Variants in CARD14 observed in about 807,000 individuals in gnomAD.
CARD14 encodes caspase recruitment domain family member 14, also known as caspase recruitment domain-containing protein 14.
CARD14 carries 107 observed loss-of-function variants against 111.5 expected under a neutral mutation model. The observed-to-expected ratio is 0.96, with a 90% CI of 0.82 to 1.13. The LOEUF (loss-of-function observed/expected upper bound fraction) is 1.13. Among genes scored for constraint, CARD14 ranks in the 50% most tolerant of loss-of-function variants. The pLI is 0.00. For missense variants in CARD14, 1,322 were observed against 1,362.3 expected (o/e 0.97, Z 0.47); for synonymous variants, 617 against 579.6 (o/e 1.06, Z -0.93).
At chr17:80,207,228 A>C in intron 23 of CARD14, 143 bp downstream of exon 23, 1 of 600,440 alleles carries the variant, frequency 1.7e-6, no homozygotes, top group Non-Finnish European at 2.9e-6. Flanking sequence ...CAACTTTGGG[A>C]CAAGGGCCCC....
Position 80,195,648 on chromosome 17 carries a change from G to T in CARD14, c.1590G>T (p.Thr530=), listed in dbSNP as rs138100360. 2 of 1,612,028 alleles carry T rather than the reference G, an allele frequency of 1.2e-6. No homozygotes were observed. The highest frequency in any genetic ancestry group is 1.3e-5 in the African/African-American group (1 of 75,020). Residue 530 remains threonine, a synonymous_variant, in exon 14 of 24, where the codon ACG becomes ACT. Transcript: ENST00000648509. The surrounding 1 kb of genome is among the most constrained non-coding windows in gnomAD (Gnocchi z 4.7). ...ACCTGGATTATGAGCTCCTAGACAC[G>T]GCAGGTGAGCACGCCCAACCCTGAA... is the stretch of plus-strand genomic sequence containing the variant. ...DPHLDYELLD[T]ADLPQLESSL...
At position 80,198,608 on chromosome 17, in the gene CARD14, C is replaced by T. The variant is rs763550069; in HGVS notation, c.1851+17C>T. The T allele has an allele frequency of 3.1e-6, 5 of 1,610,772 alleles. No individual in the cohort carries two copies. The highest frequency in any genetic ancestry group is 1.1e-5 in the South Asian group (1 of 90,948). On this transcript the variant is annotated intron_variant, in intron 16 of 23. Coordinates refer to ENST00000648509, the MANE Select transcript of CARD14 (RefSeq NM_001366385.1). This position sits in a 1 kb window ranked among gnomAD's most constrained non-coding sequence, Gnocchi z 7.5. Reference sequence around the variant, plus strand: ...ATTGTGATGGTGAGCCGTGCGAGGCCCCTCCTGTCCCCCGGGCTCCTCATG... The same window carrying T: ...ATTGTGATGGTGAGCCGTGCGAGGCTCCTCCTGTCCCCCGGGCTCCTCATG...
rs1045819106 is a variant in CARD14, at chr17:80,188,176, A to G, written c.676-201A>G. ...TGCCTCATCTATAAGACAGAGCTGA[A>G]AGGCCTCTGTCCTCCCAGCCCCAGT... On this transcript the variant is annotated intron_variant, in intron 7 of 23. Coordinates refer to ENST00000648509, the MANE Select transcript of CARD14 (RefSeq NM_001366385.1). This position sits in a 1 kb window ranked among gnomAD's most constrained non-coding sequence, Gnocchi z 4.5. 31 of 544,150 alleles carry G rather than the reference A, an allele frequency of 5.7e-5. No individual in the cohort carries two copies. The African/African-American group carries it at 5.9e-4, about 10-fold the overall frequency. 33.7% of individuals were successfully genotyped at this position (544,150 alleles called of 1,614,324 possible). A position where few individuals can be genotyped will look rare whatever the true frequency, so the allele number is the denominator to read the frequency against.
In CARD14 at chr17:80,195,266, C is replaced by A. The variant is rs1268954267; in HGVS notation, c.1432C>A (p.Pro478Thr). Residue 478 changes from proline to threonine, a missense_variant, in exon 13 of 24, where the codon CCC becomes ACC. Physicochemically the swap from Pro to Thr is conservative, Grantham distance 38 (BLOSUM62 -1). Transcript: ENST00000648509. This position sits in a 1 kb window ranked among gnomAD's most constrained non-coding sequence, Gnocchi z 4.7. ...CAGCTTCCGCTCCAGCAGCCCCGCG[C>A]CCCCCAGCCAGCAGTCCCTGTACAA... ...VDSFRSSSPAPPSQQSLYKRV... is the reference protein window; with the variant it reads ...VDSFRSSSPATPSQQSLYKRV... 6.2e-7 allele frequency: 1 copy of A among 1,612,560 alleles called. No individual in the cohort carries two copies. The highest frequency in any genetic ancestry group is 1.7e-5 in the Admixed American group (1 of 59,996).
At chr17:80,207,448 G>A (rs2041392526) in intron 23 of CARD14, 1 of 177,126 alleles carries the variant, frequency 5.6e-6, no homozygotes, top group Non-Finnish European at 1.2e-5. Flanking sequence ...CTACTCGGGA[G>A]GCTGAGACAT....
At chr17:80,197,089 C>T (rs917524092) in intron 14 of CARD14, 1 of 152,404 alleles carries the variant, frequency 6.6e-6, no homozygotes, top group Non-Finnish European at 1.5e-5. Flanking sequence ...CCCAGTTAGT[C>T]AGGAGGCTGA....
rs62074378 is a variant in CARD14, at chr17:80,195,205, G to C, written c.1371G>C (p.Ser457=). 6.4e-5 allele frequency: 103 copies of C among 1,607,946 alleles called. No individual in the cohort carries two copies. Among genetic ancestry groups the C allele is most frequent in the Admixed American group, 3.2e-4 (19 of 59,822 alleles). The change falls in exon 13 of 24, where the codon TCG becomes TCC. Residue 457 remains serine, a synonymous_variant. Coordinates refer to ENST00000648509, the MANE Select transcript of CARD14 (RefSeq NM_001366385.1). The surrounding 1 kb of genome is among the most constrained non-coding windows in gnomAD (Gnocchi z 4.7). ...LVSSTESQLL[S]DLSATSSREL... Reference sequence around the variant, plus strand: ...CCCTCCTCCAGTCTCAGCTCTTGTCGGACCTGAGTGCCACGTCCAGCCGCG... The same window carrying C: ...CCCTCCTCCAGTCTCAGCTCTTGTCCGACCTGAGTGCCACGTCCAGCCGCG...
intron 22 of CARD14, among the ~76,000 whole-genome samples, chr17:80,206,271 C>G (rs2041297901): frequency 8.2e-6 from 1 of 121,700 alleles, no homozygotes; most frequent in African/African-American, 2.8e-5. Flanking sequence ...TCAAGACCAG[C>G]CTGAGCAACA....
At chr17:80,180,993 G>A (rs1198307431) in intron 4 of CARD14, among the ~76,000 whole-genome samples, 5 of 151,984 alleles carry the variant, frequency 3.3e-5, no homozygotes, top group Non-Finnish European at 5.9e-5. Flanking sequence ...GAACTCTTAG[G>A]CTTGAGCAAT....
chr17:80,191,932 C>T (rs1181419304), intron 11 of CARD14, among the ~76,000 whole-genome samples: 2 of 152,222 alleles, frequency 1.3e-5, no homozygotes, highest in African/African-American at 2.4e-5. Flanking sequence ...CTTAGAAAGC[C>T]TCTCATTCTG....
chr17:80,187,277 CG>C (rs1480564700), intron 7 of CARD14, among the ~76,000 whole-genome samples: 2 of 152,200 alleles, frequency 1.3e-5, no homozygotes, highest in African/African-American at 4.8e-5. Context: ...CCCGCTAAGA[CG>C]GGTGCCGGAC....
At position 80,189,975 on chromosome 17, in the gene CARD14, A is replaced by C; in HGVS notation, c.963+103A>C. 2 of 1,462,404 alleles carry C rather than the reference A, an allele frequency of 1.4e-6. No individual in the cohort carries two copies. Among genetic ancestry groups the C allele is most frequent in the Non-Finnish European group, 1.8e-6 (2 of 1,111,180 alleles). 90.6% of individuals were successfully genotyped at this position (1,462,404 alleles called of 1,614,324 possible). A position where few individuals can be genotyped will look rare whatever the true frequency, so the allele number is the denominator to read the frequency against. On this transcript the variant is annotated intron_variant, in intron 9 of 23. Coordinates refer to ENST00000648509, the MANE Select transcript of CARD14 (RefSeq NM_001366385.1). This position sits in a 1 kb window ranked among gnomAD's most constrained non-coding sequence, Gnocchi z 4.7. ...AGATTCCTTCATCCACGCCGAGCTCACATAATTTTGCTGAACGAATCTGTC... is the reference window on the plus strand; with the variant it reads ...AGATTCCTTCATCCACGCCGAGCTCCCATAATTTTGCTGAACGAATCTGTC...
rs910818679 is a variant in CARD14 at position 80,198,945 on chromosome 17, CT to C, written c.1851+363del. On this transcript the variant is annotated intron_variant, in intron 16 of 23. Transcript: ENST00000648509. This position sits in a 1 kb window ranked among gnomAD's most constrained non-coding sequence, Gnocchi z 7.5. ...AACCACTGGGGCATTTCTTTTCTTT[CT>C]TTTTTTTTGTTTGTTGTTTTGAAAC... 467 of 1,120,294 alleles carry C rather than the reference CT, an allele frequency of 4.2e-4. No individual in the cohort carries two copies. The highest frequency in any genetic ancestry group is 1.4e-3 in the East Asian group (26 of 18,966). 69.4% of individuals were successfully genotyped at this position (1,120,294 alleles called of 1,614,324 possible). A position where few individuals can be genotyped will look rare whatever the true frequency, so the allele number is the denominator to read the frequency against.
rs2040260802 is a variant in CARD14, at chr17:80,184,094, C to T, written c.531C>T (p.His177=). Residue 177 remains histidine (H), a synonymous_variant, in exon 7 of 24, where the codon CAC becomes CAT. Coordinates refer to ENST00000648509, the MANE Select transcript of CARD14 (RefSeq NM_001366385.1). The part of the protein sequence containing the change: ...AEGLHQLEAD[H]SRMKREVSAH... ...GCCTGCACCAGCTGGAGGCTGACCA[C>T]AGCCGCATGAAGCGTGAGGTTAGCG... is the stretch of plus-strand genomic sequence containing the variant. 2 of 1,582,826 alleles carry T rather than the reference C, an allele frequency of 1.3e-6. No individual in the cohort carries two copies. Among genetic ancestry groups the T allele is most frequent in the South Asian group, 1.2e-5 (1 of 86,676 alleles).
intron 7 of CARD14, among the ~76,000 whole-genome samples, chr17:80,186,954 A>G (rs1281053094): frequency 6.6e-6 from 1 of 152,248 alleles, no homozygotes; most frequent in Non-Finnish European, 1.5e-5. Context: ...GGAAACACAC[A>G]CACATGTATG....
rs1194406958 is a variant in CARD14 at position 80,170,047 on chromosome 17, G to A, written c.-699G>A. 1.3e-5 allele frequency: 2 copies of A among 152,322 alleles called. No individual in the cohort carries two copies. Among genetic ancestry groups the A allele is most frequent in the Non-Finnish European group, 2.9e-5 (2 of 68,128 alleles). 9.4% of individuals were successfully genotyped at this position (152,322 alleles called of 1,614,324 possible). ...CCACATTCAGTCCTCGCTTCCCTGG[G>A]AGGGGGAAGGTAAGTGCGCGCAGTC... On this transcript the variant is annotated 5_prime_UTR_variant, in exon 1 of 24. Transcript: ENST00000648509.
intron 4 of CARD14, among the ~76,000 whole-genome samples, chr17:80,180,962 C>A (rs1331731470): frequency 6.6e-6 from 1 of 152,090 alleles, no homozygotes; most frequent in African/African-American, 2.4e-5. Context: ...AGGGTTTCAC[C>A]ATATTTGCCA....
Position 80,198,502 on chromosome 17 carries a change from G to A in CARD14, c.1762G>A (p.Gly588Arg), listed in dbSNP as rs372197132. The change falls in exon 16 of 24, where the codon GGG becomes AGG. Residue 588 changes from glycine (G) to arginine (R), a missense_variant. By Grantham distance (125) the Gly-to-Arg change is moderately radical (BLOSUM62 -2). Transcript: ENST00000648509. The surrounding 1 kb of genome is among the most constrained non-coding windows in gnomAD (Gnocchi z 7.5). ...ALLEQISVIG[G>R]NLTGIFIHRV... ...GCTGGAGCAGATCAGCGTCATCGGC[G>A]GGAACCTCACGGGCATCTTCATCCA... 26 of 1,613,212 alleles carry A rather than the reference G, an allele frequency of 1.6e-5. No individual in the cohort carries two copies. The East Asian group carries it at 3.1e-4, about 19-fold the overall frequency.
chr17:80,183,764 C>T (rs1209450707), intron 6 of CARD14, 149 bp from the exon 7 acceptor site: 1 of 454,456 alleles, frequency 2.2e-6, no homozygotes, highest in Non-Finnish European at 3.6e-6. Context: ...GCTCAGCTGC[C>T]CACATGCTCA....
Sources: gnomAD v4.1 joint callset for allele counts (sites outside exome capture counted in the v4.1 genomes callset) on GRCh38, gnomAD v4.1.1 for gene constraint, Gnocchi (gnomAD v3.1) non-coding constraint, MANE v1.5 for transcripts, NCBI Gene and HGNC (gene_info 2026-07-23, HGNC 2026-07-21) for gene names.